Variants in MAOB observed in about 807,000 individuals in gnomAD.
The protein encoded by MAOB is amine oxidase [flavin-containing] B.
Under a neutral mutation model 41.9 loss-of-function variants are expected in MAOB, and 15 were observed. That is an observed-to-expected ratio of 0.36 (90% CI 0.24 to 0.55). The LOEUF (loss-of-function observed/expected upper bound fraction) is 0.55, where lower values mean the gene tolerates loss of function less well. Ranked by LOEUF, MAOB falls within the 20% of genes least tolerant of loss-of-function variation. The pLI is 0.86. For synonymous variants in MAOB, 167 were observed against 144.2 expected (o/e 1.16, Z -1.13); for missense variants, 345 against 398.7 (o/e 0.87, Z 1.15).
Position 43,797,239 on chromosome X carries a change from A to G in MAOB, c.504T>C (p.Phe168=). 2 of 1,201,592 alleles carry G rather than the reference A, an allele frequency of 1.7e-6. No individual in the cohort carries two copies. Among genetic ancestry groups the G allele is most frequent in the Non-Finnish European group, 2.2e-6 (2 of 890,510 alleles). Residue 168 remains phenylalanine, a synonymous_variant, in exon 6 of 15, where the codon TTT becomes TTC. Coordinates refer to ENST00000378069, the MANE Select transcript of MAOB (RefSeq NM_000898.5). ...TESAKQLATL[F]VNLCVTAETH... ...TCTCTGCAGTGACACACAGGTTCAC[A>G]AAGAGAGTGGCAAGCTGCTTTGCAG...
rs1465486731 is a variant in MAOB, at chrX:43,775,053, TTG to T, written c.1235+120_1235+121del. On this transcript the variant is annotated intron_variant, in intron 12 of 14. Transcript: ENST00000378069. The stretch of plus-strand genomic sequence containing the variant: ...TTCATAAGATACAAAGGAAATTGGG[TTG>T]TTTTTTTTTTTTTTTTTTGTATTTA... 313 of 882,807 alleles carry T rather than the reference TTG, an allele frequency of 3.5e-4. No individual in the cohort carries two copies. The African/African-American group carries it at 5.9e-3, about 17-fold the overall frequency. 72.8% of individuals were successfully genotyped at this position (882,807 alleles called of 1,213,427 possible). A position where few individuals can be genotyped will look rare whatever the true frequency, so the allele number is the denominator to read the frequency against.
At chrX:43,795,711 A>AAT in intron 7 of MAOB, 28 bp downstream of exon 7, 2 of 1,140,775 alleles carry the variant, frequency 1.8e-6, no homozygotes. Flanking sequence ...ATGAAGATCA[A>AAT]ATATATATTT....
intron 7 of MAOB, 63 bp from the exon 8 acceptor site, chrX:43,793,641 TTCTC>T (rs1380725729): frequency 3.4e-5 from 30 of 894,015 alleles, no homozygotes; most frequent in Non-Finnish European, 4.8e-5. Flanking sequence ...TTCCCAATGA[TTCTC>T]TCTCATTCTA....
At chrX:43,854,643 T>C (rs1255667119) in intron 1 of MAOB, among the ~76,000 whole-genome samples, 1 of 111,954 alleles carries the variant, frequency 8.9e-6, no homozygotes, top group Non-Finnish European at 1.9e-5. Context: ...CAAACCTGCA[T>C]GTTCTGCACA....
In MAOB at chrX:43,767,328, G is replaced by GTAAACTGAACTACAAAT; in HGVS notation, c.*137_*138insATTTGTAGTTCAGTTTA. 1 of 573,544 alleles carries GTAAACTGAACTACAAAT rather than the reference G, an allele frequency of 1.7e-6. No individual in the cohort carries two copies. Among genetic ancestry groups the GTAAACTGAACTACAAAT allele is most frequent in the Admixed American group, 3.9e-5 (1 of 25,910 alleles). The allele number at this position is 573,544 out of a possible 1,213,427, so 47.3% of individuals were successfully genotyped here. ...AGAAAGAGATACCATGTATTTTACA[G>GTAAACTGAACTACAAAT]TCAGAGTTGGATTTATCTTCATGCT... On this transcript the variant is annotated 3_prime_UTR_variant, in exon 15 of 15. Transcript: ENST00000378069.
chrX:43,796,295 C>A (rs1304690414), intron 6 of MAOB, among the ~76,000 whole-genome samples: 1 of 111,238 alleles, frequency 9.0e-6, no homozygotes, highest in Non-Finnish European at 1.9e-5. Flanking sequence ...GTGGCTCAAG[C>A]GCAGAACTTC....
chrX:43,804,021 C>T (rs1173136759), intron 3 of MAOB, among the ~76,000 whole-genome samples: 2 of 111,292 alleles, frequency 1.8e-5, no homozygotes, highest in Non-Finnish European at 3.8e-5. Flanking sequence ...GATACCTCGA[C>T]ACAGAAATAA....
intron 1 of MAOB, among the ~76,000 whole-genome samples, chrX:43,851,938 C>T (rs2035254929): frequency 8.9e-6 from 1 of 111,758 alleles, no homozygotes; most frequent in South Asian, 3.8e-4. Flanking sequence ...TCTGCCCCAA[C>T]AAGAACCTGT....
At chrX:43,843,132 T>C (rs919740704) in intron 2 of MAOB, among the ~76,000 whole-genome samples, 1 of 110,994 alleles carries the variant, frequency 9.0e-6, no homozygotes, top group African/African-American at 3.3e-5. Flanking sequence ...TCACTCCACA[T>C]TGTATACATA....
rs1191250333 is a variant in MAOB, at chrX:43,811,410, C to T, written c.280-8006G>A. ...ATGTCTCCTCTGATGTTCATGGGAA[C>T]CTTGCCCTTCTAACTGTTGGGAGCC... On this transcript the variant is annotated intron_variant, in intron 3 of 14. Coordinates refer to ENST00000378069, the MANE Select transcript of MAOB (RefSeq NM_000898.5). Among the ~76,000 whole-genome samples, 9 of 111,414 alleles carry T rather than the reference C, an allele frequency of 8.1e-5. No individual in the cohort carries two copies. In the Admixed American group the frequency reaches 8.6e-4, roughly 11 times the overall value.
At chrX:43,870,244 T>C (rs1043402950) in intron 1 of MAOB, among the ~76,000 whole-genome samples, 13 of 112,445 alleles carry the variant, frequency 1.2e-4, no homozygotes, top group Non-Finnish European at 2.3e-4. Context: ...TTGGCTGTAC[T>C]GCCACGGATT....
intron 1 of MAOB, among the ~76,000 whole-genome samples, chrX:43,849,739 T>C (rs960023581): frequency 1.8e-5 from 2 of 112,840 alleles, no homozygotes; most frequent in African/African-American, 6.4e-5. Context: ...TAGTACACAG[T>C]TGGCACTTAA....
At chrX:43,877,574 TA>T (rs1275115742) in intron 1 of MAOB, among the ~76,000 whole-genome samples, 1 of 112,110 alleles carries the variant, frequency 8.9e-6, no homozygotes, top group Non-Finnish European at 1.9e-5. Context: ...TATTAAATAA[TA>T]TTATTAAATA....
intron 1 of MAOB, among the ~76,000 whole-genome samples, chrX:43,846,512 G>A (rs897470690): frequency 1.8e-5 from 2 of 111,797 alleles, no homozygotes; most frequent in Non-Finnish European, 3.8e-5. Context: ...AATGTTCATA[G>A]GGGGTAGTCA....
chrX:43,830,140 T>C (rs1381802761), intron 3 of MAOB, among the ~76,000 whole-genome samples: 1 of 112,785 alleles, frequency 8.9e-6, no homozygotes, highest in Non-Finnish European at 1.9e-5. Context: ...ATTATCAATG[T>C]ACATATTAAA....
At position 43,802,516 on chromosome X, in the gene MAOB, A is replaced by T. The variant is rs3736672; in HGVS notation, c.385-253T>A. On this transcript the variant is annotated intron_variant, in intron 4 of 14. Transcript: ENST00000378069. ...TTTAATTTGTGATAAAACTTCCTGC[A>T]CAATAAATAGAGGCATGTTGTAACT... is the stretch of plus-strand genomic sequence containing the variant. Among the ~76,000 whole-genome samples, 908 of 112,046 alleles carry T rather than the reference A, an allele frequency of 8.1e-3. 20 individuals are homozygous for T. The highest frequency in any genetic ancestry group is 0.06 in the Admixed American group (632 of 10,522).
intron 8 of MAOB, among the ~76,000 whole-genome samples, chrX:43,792,817 C>T (rs1410821977): frequency 9.0e-6 from 1 of 111,710 alleles, no homozygotes; most frequent in Non-Finnish European, 1.9e-5. Context: ...ACCCAGCAAT[C>T]TCATTATTAG....
At chrX:43,821,837 A>G (rs1407384633) in intron 3 of MAOB, among the ~76,000 whole-genome samples, 1 of 112,215 alleles carries the variant, frequency 8.9e-6, no homozygotes, top group Non-Finnish European at 1.9e-5. Context: ...ATATTTATAA[A>G]GTCATTTCAT....
intron 3 of MAOB, among the ~76,000 whole-genome samples, chrX:43,814,272 C>G (rs1033443193): frequency 1.8e-5 from 2 of 111,791 alleles, no homozygotes; most frequent in African/African-American, 3.3e-5. Flanking sequence ...GAAGAAGATG[C>G]CTTCCAAGAA....
Sources: allele counts gnomAD v4.1 joint callset (sites outside exome capture counted in the v4.1 genomes callset), GRCh38; gene constraint gnomAD v4.1.1; transcripts MANE v1.5; gene names NCBI Gene and HGNC (gene_info 2026-07-23, HGNC 2026-07-21).